The following TRDN variants were observed in gnomAD, a reference collection of about 807,000 sequenced individuals.
TRDN encodes the protein triadin in skeletal muscle.
A neutral mutation model predicts 149.7 loss-of-function variants in TRDN; 161 were observed. The ratio of observed to expected loss-of-function variants is 1.08; its 90% CI spans 0.95 to 1.23. The LOEUF is 1.23. Ranked by LOEUF, TRDN falls within the 50% of genes most tolerant of loss-of-function variation. The pLI is 0.00. For missense variants in TRDN, 896 were observed against 823.5 expected (o/e 1.09, Z -1.08); for synonymous variants, 294 against 250.5 (o/e 1.17, Z -1.64).
intron 23 of TRDN, among the ~76,000 whole-genome samples, chr6:123,322,617 TTATTATTATTA>T (rs1562261615): frequency 0.034 from 420 of 12,518 alleles, 2 homozygotes; most frequent in Non-Finnish European, 0.078. Flanking sequence ...TTAAAATTTA[TTATTATTATTA>T]TTATTATTAT....
intron 38 of TRDN, among the ~76,000 whole-genome samples, chr6:123,251,068 G>A (rs1408961310): frequency 1.3e-5 from 2 of 152,062 alleles, no homozygotes. Context: ...TTGGCTGTAG[G>A]GGAATGGTGT....
chr6:123,413,386 T>C (rs761967486), intron 12 of TRDN, among the ~76,000 whole-genome samples: 31 of 152,228 alleles, frequency 2.0e-4, no homozygotes, highest in Non-Finnish European at 3.1e-4. Context: ...AAATTGTTAC[T>C]TTAATTAGAA....
At chr6:123,588,257 G>A (rs915577227) in intron 1 of TRDN, among the ~76,000 whole-genome samples, 1 of 152,148 alleles carries the variant, frequency 6.6e-6, no homozygotes, top group Non-Finnish European at 1.5e-5. Flanking sequence ...TTTATTTCTT[G>A]TAGGGTCTGC....
chr6:123,234,558 T>A (rs755493549), intron 38 of TRDN, among the ~76,000 whole-genome samples: 7 of 152,148 alleles, frequency 4.6e-5, no homozygotes, highest in Non-Finnish European at 1.0e-4. Flanking sequence ...TGTCTAGAAC[T>A]GGGACGTAAG....
intron 38 of TRDN, among the ~76,000 whole-genome samples, chr6:123,228,996 T>C (rs540303564): frequency 6.6e-6 from 1 of 152,132 alleles, no homozygotes; most frequent in East Asian, 1.9e-4. Context: ...TAATATTTTT[T>C]CTGTTTGCCT....
chr6:123,446,071 T>A (rs1375957263), intron 10 of TRDN, among the ~76,000 whole-genome samples: 1 of 151,422 alleles, frequency 6.6e-6, no homozygotes, highest in South Asian at 2.1e-4. Flanking sequence ...AAATGATGAG[T>A]TCATGTTCTT....
chr6:123,492,093 T>C (rs1403930412), intron 9 of TRDN, among the ~76,000 whole-genome samples: 1 of 152,142 alleles, frequency 6.6e-6, no homozygotes, highest in Non-Finnish European at 1.5e-5. Flanking sequence ...ACCCATTGAA[T>C]TGGAATGCAG....
chr6:123,264,941 G>T (rs1350699002), intron 33 of TRDN, among the ~76,000 whole-genome samples: 1 of 151,972 alleles, frequency 6.6e-6, no homozygotes, highest in African/African-American at 2.4e-5. Context: ...ATCTTTATGT[G>T]CACTGGGAAA....
At chr6:123,614,306 A>AC (rs971076593) in intron 1 of TRDN, among the ~76,000 whole-genome samples, 1 of 146,694 alleles carries the variant, frequency 6.8e-6, no homozygotes, top group African/African-American at 2.6e-5. Context: ...AAAACAAAAA[A>AC]AAAAAAAACA....
At chr6:123,521,735 C>G (rs1275482727) in intron 5 of TRDN, among the ~76,000 whole-genome samples, 1 of 152,102 alleles carries the variant, frequency 6.6e-6, no homozygotes, top group Non-Finnish European at 1.5e-5. Flanking sequence ...CCCTGTTAAG[C>G]TTCAGAGTCC....
chr6:123,220,007 T>G (rs747212708), intron 40 of TRDN, among the ~76,000 whole-genome samples: 4 of 151,854 alleles, frequency 2.6e-5, no homozygotes, highest in Non-Finnish European at 4.4e-5. Context: ...TTATTATGAC[T>G]GCAAATATTA....
intron 10 of TRDN, among the ~76,000 whole-genome samples, chr6:123,444,791 T>C (rs1775206493): frequency 6.6e-6 from 1 of 152,220 alleles, no homozygotes; most frequent in Non-Finnish European, 1.5e-5. Flanking sequence ...GTGGTTTTTG[T>C]CTTTGGCTCT....
In TRDN at chr6:123,382,157, C is replaced by A; in HGVS notation, c.1136-10G>T. The A allele has an allele frequency of 2.0e-6, 3 of 1,493,888 alleles. No individual in the cohort carries two copies. Among genetic ancestry groups the A allele is most frequent in the East Asian group, 2.7e-5 (1 of 37,564 alleles). 92.5% of individuals were successfully genotyped at this position (1,493,888 alleles called of 1,614,324 possible). On this transcript the variant is annotated splice_polypyrimidine_tract_variant and intron_variant, in intron 14 of 40. Transcript: ENST00000334268. The stretch of plus-strand genomic sequence containing the variant: ...TTTGTTTTCTTGGAATCTGAAAACA[C>A]AAAGATAAATTATTAATAAAACAGA...
At chr6:123,287,772 G>A (rs928459379) in intron 24 of TRDN, among the ~76,000 whole-genome samples, 6 of 151,876 alleles carry the variant, frequency 4.0e-5, no homozygotes, top group African/African-American at 1.4e-4. Flanking sequence ...ATTTATATAA[G>A]AAAAAATATT....
At chr6:123,374,796 A>C (rs1258739413) in intron 19 of TRDN, among the ~76,000 whole-genome samples, 2 of 152,002 alleles carry the variant, frequency 1.3e-5, no homozygotes, top group Non-Finnish European at 2.9e-5. Context: ...CAAAAACAAA[A>C]AAACAAACAA....
chr6:123,405,347 T>A (rs1773151982), intron 12 of TRDN, among the ~76,000 whole-genome samples: 1 of 152,220 alleles, frequency 6.6e-6, no homozygotes, highest in African/African-American at 2.4e-5. Context: ...TGAAATCTAC[T>A]TTTACAGCTA....
intron 12 of TRDN, among the ~76,000 whole-genome samples, chr6:123,422,325 T>C (rs998383476): frequency 3.3e-5 from 5 of 152,136 alleles, no homozygotes; most frequent in African/African-American, 4.8e-5. Flanking sequence ...GCATGTTTTT[T>C]CCTTGGGGTT....
chr6:123,402,875 A>C (rs1773038873), intron 12 of TRDN, among the ~76,000 whole-genome samples: 1 of 152,218 alleles, frequency 6.6e-6, no homozygotes, highest in Admixed American at 6.5e-5. Context: ...TGTTTGTTCA[A>C]ATAAGACAGA....
At chr6:123,364,875 T>G (rs1458192257) in intron 20 of TRDN, among the ~76,000 whole-genome samples, 2 of 152,182 alleles carry the variant, frequency 1.3e-5, no homozygotes, top group Non-Finnish European at 2.9e-5. Flanking sequence ...TAAGACTCAG[T>G]TTTTTCTTGT....
Sources: allele counts gnomAD v4.1 joint callset (sites outside exome capture counted in the v4.1 genomes callset), GRCh38; gene constraint gnomAD v4.1.1; transcripts MANE v1.5; gene names NCBI Gene and HGNC (gene_info 2026-07-23, HGNC 2026-07-21).